MSH4: variants seen among roughly 807,000 people sequenced by gnomAD.
MSH4 encodes mutS homolog 4, also known as mutS protein homolog 4.
MSH4 carries 106 observed loss-of-function variants against 113.7 expected under a neutral mutation model. The observed-to-expected ratio is 0.93, with a 90% confidence interval of 0.80 to 1.10. The LOEUF is 1.10. Among genes scored for constraint, MSH4 ranks in the 50% least tolerant of loss-of-function variants. The pLI is 0.00. For synonymous variants in MSH4, 368 were observed against 380.2 expected, an observed-to-expected ratio of 0.97 and a Z score of 0.37; for missense variants, 1,061 against 1,093.7, an observed-to-expected ratio of 0.97 and a Z score of 0.42.
chr1:75,797,958 A>G (rs895165261), intron 1 of MSH4, among the ~76,000 whole-genome samples: 2 of 152,152 alleles, frequency 1.3e-5, no homozygotes, highest in African/African-American at 2.4e-5. Context: ...CAAACAAACA[A>G]AAAAGATGCA....
chr1:75,812,980 G>A (rs552710874), intron 4 of MSH4, among the ~76,000 whole-genome samples: 2 of 152,216 alleles, frequency 1.3e-5, no homozygotes, highest in East Asian at 3.9e-4. Flanking sequence ...TAGTAGCCCA[G>A]GTAGAGTTTG....
At chr1:75,857,028 C>G (rs1367166064) in intron 8 of MSH4, among the ~76,000 whole-genome samples, 1 of 152,206 alleles carries the variant, frequency 6.6e-6, no homozygotes, top group African/African-American at 2.4e-5. Flanking sequence ...TTGCATTTCT[C>G]TAATGACCAG....
intron 17 of MSH4, among the ~76,000 whole-genome samples, chr1:75,896,584 G>A (rs925281147): frequency 1.3e-5 from 2 of 151,510 alleles, no homozygotes; most frequent in South Asian, 4.2e-4. Context: ...TTCTACAATA[G>A]TTTAAAATAG....
At chr1:75,901,076 T>G (rs1052882977) in intron 19 of MSH4, among the ~76,000 whole-genome samples, 1 of 152,192 alleles carries the variant, frequency 6.6e-6, no homozygotes, top group Non-Finnish European at 1.5e-5. Flanking sequence ...ACATGTGATA[T>G]TTTGATACTT....
intron 6 of MSH4, among the ~76,000 whole-genome samples, chr1:75,822,117 T>TAAAAATAC (rs1219326570): frequency 6.6e-6 from 1 of 151,860 alleles, no homozygotes; most frequent in East Asian, 1.9e-4. Context: ...CCGTCTCTAC[T>TAAAAATAC]AAAAATACAA....
intron 2 of MSH4, among the ~76,000 whole-genome samples, chr1:75,805,552 C>G (rs1478104306): frequency 4.7e-5 from 2 of 42,394 alleles, no homozygotes; most frequent in South Asian, 3.3e-3. Flanking sequence ...CATGCTCAGC[C>G]AATTTTTTTT....
chr1:75,850,256 T>C (rs765566927), intron 8 of MSH4, among the ~76,000 whole-genome samples: 1 of 152,146 alleles, frequency 6.6e-6, no homozygotes, highest in Admixed American at 6.5e-5. Flanking sequence ...GTCATTGATT[T>C]GAGAACTTTT....
chr1:75,843,494 A>G (rs1651011150), intron 7 of MSH4, among the ~76,000 whole-genome samples: 1 of 152,180 alleles, frequency 6.6e-6, no homozygotes, highest in South Asian at 2.1e-4. Flanking sequence ...TTTTGGGGTT[A>G]AATATTGTAT....
intron 7 of MSH4, among the ~76,000 whole-genome samples, chr1:75,846,057 G>A (rs1651068303): frequency 6.6e-6 from 1 of 152,196 alleles, no homozygotes; most frequent in Non-Finnish European, 1.5e-5. Flanking sequence ...AGCTACAGTT[G>A]TGGTGGCTGA....
rs546488006 is a variant in MSH4 at position 75,859,638 on chromosome 1, A to G, written c.1231-7876A>G. Among the ~76,000 whole-genome samples the G allele has an allele frequency of 2.6e-5, 4 of 152,180 alleles. No homozygotes were observed. The South Asian group carries it at 8.3e-4, about 32-fold the overall frequency. ...GTGGTCTGAGAGGCAGTTTGTTGTG[A>G]TTTCTATTCTTATACATTTGCTGAG... On this transcript the variant is annotated intron_variant, in intron 8 of 19. Transcript: ENST00000263187.
intron 12 of MSH4, among the ~76,000 whole-genome samples, chr1:75,879,449 G>A (rs1340579906): frequency 6.6e-6 from 1 of 152,112 alleles, no homozygotes; most frequent in Non-Finnish European, 1.5e-5. Context: ...GGTTTAAAAA[G>A]TCCTGAAGTA....
chr1:75,828,038 C>A (rs1394837826), intron 7 of MSH4, among the ~76,000 whole-genome samples: 1 of 152,074 alleles, frequency 6.6e-6, no homozygotes, highest in East Asian at 1.9e-4. Context: ...TACAAGTGAC[C>A]AATAAACATA....
intron 8 of MSH4, among the ~76,000 whole-genome samples, chr1:75,851,496 C>G (rs1651186170): frequency 6.6e-6 from 1 of 152,178 alleles, no homozygotes. Flanking sequence ...ACTGCCACCT[C>G]TGTCTCCCGG....
Position 75,867,525 on chromosome 1 carries a change from T to C in MSH4, c.1242T>C (p.Ala414=), listed in dbSNP as rs769590295. 1.3e-6 allele frequency: 2 copies of C among 1,592,562 alleles called. No individual in the cohort carries two copies. The highest frequency in any genetic ancestry group is 3.6e-5 in the Admixed American group (2 of 55,830). The part of the protein sequence containing the change: ...QIPKQDTVNA[A]ESKITNLIYL... ...TTTTATCTTAACAGGTCAATGCTGC[T>C]GAATCAAAGATAACAAATTTAATAT... Residue 414 remains alanine, a synonymous_variant, in exon 9 of 20, where the codon GCT becomes GCC. Transcript: ENST00000263187.
intron 7 of MSH4, among the ~76,000 whole-genome samples, chr1:75,830,204 A>G (rs1650651416): frequency 6.6e-6 from 1 of 152,148 alleles, no homozygotes; most frequent in Admixed American, 6.5e-5. Context: ...TGAAGATCAA[A>G]TGAATGAAAT....
chr1:75,865,621 G>T (rs1038028084), intron 8 of MSH4, among the ~76,000 whole-genome samples: 1 of 152,144 alleles, frequency 6.6e-6, no homozygotes, highest in African/African-American at 2.4e-5. Context: ...GTTGAAGTTT[G>T]TGATTGGAGA....
chr1:75,849,081 A>T (rs1465012403), intron 8 of MSH4, among the ~76,000 whole-genome samples: 2 of 151,962 alleles, frequency 1.3e-5, no homozygotes, highest in African/African-American at 4.8e-5. Flanking sequence ...ACAGGCATGC[A>T]CTACCATGCC....
At chr1:75,844,619 C>G (rs554793465) in intron 7 of MSH4, among the ~76,000 whole-genome samples, 2 of 152,194 alleles carry the variant, frequency 1.3e-5, no homozygotes, top group Admixed American at 6.5e-5. Flanking sequence ...AGCCACCACA[C>G]CTGGGCTGAA....
chr1:75,860,773 A>G (rs11161768), intron 8 of MSH4, among the ~76,000 whole-genome samples: 114,499 of 152,020 alleles, frequency 0.75, 43,262 homozygotes, highest in East Asian at 0.98. Context: ...TATCTTTGTG[A>G]TGTTCTCTGT....
Sources: allele counts gnomAD v4.1 joint callset (sites outside exome capture counted in the v4.1 genomes callset), GRCh38; gene constraint gnomAD v4.1.1; transcripts MANE v1.5; gene names NCBI Gene and HGNC (gene_info 2026-07-23, HGNC 2026-07-21).